The following DCDC1 variants were observed in gnomAD, a reference collection of about 807,000 sequenced individuals.
DCDC1 encodes doublecortin domain-containing protein 1.
Under a neutral mutation model 178.3 loss-of-function variants are expected in DCDC1, and 200 were observed. The observed-to-expected ratio is 1.12, with a 90% CI of 1.00 to 1.26. DCDC1 has a LOEUF of 1.26. DCDC1 is among the 50% of genes most tolerant of loss of function. DCDC1 has a pLI of 0.00. For synonymous variants in DCDC1, 690 were observed against 604.8 expected, an observed-to-expected ratio of 1.14 and a Z score of -2.07; for missense variants, 1,983 against 1,749.2, an observed-to-expected ratio of 1.13 and a Z score of -2.38.
intron 10 of DCDC1, among the ~76,000 whole-genome samples, chr11:31,132,670 T>C (rs569226012): frequency 6.6e-6 from 1 of 152,252 alleles, no homozygotes. Flanking sequence ...CTGAGAGACA[T>C]AAAGCCTTTC....
chr11:31,273,651 T>G (rs1400127808), intron 7 of DCDC1, among the ~76,000 whole-genome samples: 3 of 152,188 alleles, frequency 2.0e-5, no homozygotes, highest in African/African-American at 4.8e-5. Flanking sequence ...TGTTCCAACC[T>G]CTAACTGTTA....
chr11:30,883,514 C>T, intron 36 of DCDC1: 4 of 456,100 alleles, frequency 8.8e-6, no homozygotes, highest in South Asian at 6.5e-5. Context: ...ATAAAGTAAG[C>T]TGACCTAGGA....
intron 20 of DCDC1, among the ~76,000 whole-genome samples, chr11:30,988,679 T>A (rs1950797895): frequency 6.6e-6 from 1 of 152,010 alleles, no homozygotes; most frequent in South Asian, 2.1e-4. Context: ...GAGCCACACA[T>A]AAAATACACT....
chr11:31,310,535 G>A (rs886468424), intron 3 of DCDC1, among the ~76,000 whole-genome samples: 2 of 151,664 alleles, frequency 1.3e-5, no homozygotes, highest in African/African-American at 4.8e-5. Flanking sequence ...TAGCCAGGAT[G>A]GTCTCAATCT....
intron 6 of DCDC1, among the ~76,000 whole-genome samples, chr11:31,297,259 G>C (rs1436459687): frequency 6.6e-6 from 1 of 152,070 alleles, no homozygotes; most frequent in African/African-American, 2.4e-5. Flanking sequence ...AAATAGTGAG[G>C]GGACTGTAGG....
intron 27 of DCDC1, among the ~76,000 whole-genome samples, chr11:30,913,187 C>T (rs1461868368): frequency 3.9e-5 from 6 of 151,992 alleles, no homozygotes; most frequent in East Asian, 3.9e-4. Context: ...TTTGGGAGGC[C>T]GAGGAGGGCG....
intron 9 of DCDC1, among the ~76,000 whole-genome samples, chr11:31,216,398 A>T (rs976342761): frequency 6.6e-6 from 1 of 152,160 alleles, no homozygotes; most frequent in Non-Finnish European, 1.5e-5. Flanking sequence ...GAATCCATGA[A>T]GGTGCTGAGA....
chr11:31,235,909 C>T lies in DCDC1; in HGVS notation c.1221+5541G>A, dbSNP rs187849681. Among the ~76,000 whole-genome samples, 9 of 152,054 alleles carry T rather than the reference C, an allele frequency of 5.9e-5. No homozygotes were observed. The East Asian group carries it at 1.7e-3, about 29-fold the overall frequency. On this transcript the variant is annotated intron_variant, in intron 9 of 38. Coordinates refer to ENST00000684477, the MANE Select transcript of DCDC1 (RefSeq NM_001387274.1). ...ATGTCAATAAAGCTCTCTGGTTTTA[C>T]AGAACTGAATTACCATGTAAAAAAG...
At chr11:30,949,962 C>T (rs964725826) in intron 21 of DCDC1, among the ~76,000 whole-genome samples, 1 of 152,074 alleles carries the variant, frequency 6.6e-6, no homozygotes, top group East Asian at 1.9e-4. Context: ...ATTTAACAAC[C>T]CTGCACGTTG....
At position 30,877,134 on chromosome 11, in the gene DCDC1, G is replaced by A. The variant is rs144261073; in HGVS notation, c.*40+1410C>T. Among the ~76,000 whole-genome samples the A allele has an allele frequency of 3.8e-3, 575 of 152,218 alleles. 4 individuals carry two copies. Among genetic ancestry groups the A allele is most frequent in the Non-Finnish European group, 6.4e-3 (433 of 68,014 alleles). ...CTTTTAGTGGTGTCAGAGGCAGCAGGAATTTATTCATGCAGCCCTACTGAT... is the reference window on the plus strand; with the variant it reads ...CTTTTAGTGGTGTCAGAGGCAGCAGAAATTTATTCATGCAGCCCTACTGAT... On this transcript the variant is annotated intron_variant, in intron 38 of 38. Coordinates refer to ENST00000684477, the MANE Select transcript of DCDC1 (RefSeq NM_001387274.1).
intron 1 of DCDC1, among the ~76,000 whole-genome samples, chr11:31,341,382 T>TATAA (rs1950529696): frequency 7.4e-6 from 1 of 134,678 alleles, no homozygotes. Flanking sequence ...ATTCCAGTTT[T>TATAA]ATAGATAGAT....
chr11:30,903,288 T>C (rs1279956513), intron 32 of DCDC1, among the ~76,000 whole-genome samples, 194 bp downstream of exon 32: 2 of 152,178 alleles, frequency 1.3e-5, no homozygotes, highest in African/African-American at 4.8e-5. Context: ...AAAATTTGCA[T>C]TAATTTTTAA....
chr11:30,946,638 G>A (rs1468294662), intron 21 of DCDC1, among the ~76,000 whole-genome samples: 4 of 152,138 alleles, frequency 2.6e-5, no homozygotes, highest in Non-Finnish European at 5.9e-5. Context: ...AGAAAGCACA[G>A]GGGATCATGA....
chr11:30,888,178 GAA>G (rs1425359681), intron 36 of DCDC1, among the ~76,000 whole-genome samples: 1 of 149,928 alleles, frequency 6.7e-6, no homozygotes, highest in African/African-American at 2.4e-5. Context: ...GAAAGAAAGA[GAA>G]AGGAAGGAAG....
At chr11:31,020,722 C>A (rs291185) in intron 20 of DCDC1, among the ~76,000 whole-genome samples, 13,546 of 152,150 alleles carry the variant, frequency 0.089, 804 homozygotes, top group East Asian at 0.28. Context: ...CAGGCATGAG[C>A]CACCGCACTT....
At chr11:31,285,430 G>C (rs1211989969) in intron 7 of DCDC1, among the ~76,000 whole-genome samples, 2 of 151,976 alleles carry the variant, frequency 1.3e-5, no homozygotes, top group Admixed American at 6.6e-5. Flanking sequence ...ATCAAATTTT[G>C]CTACCCCAGG....
intron 9 of DCDC1, among the ~76,000 whole-genome samples, chr11:31,184,678 A>G (rs1014837459): frequency 6.6e-6 from 1 of 152,252 alleles, no homozygotes; most frequent in African/African-American, 2.4e-5. Context: ...GCTCATTATC[A>G]CTGGTCATTA....
chr11:31,091,353 A>G (rs1466194835), intron 17 of DCDC1, 40 bp downstream of exon 17: 2 of 698,906 alleles, frequency 2.9e-6, no homozygotes, highest in Non-Finnish European at 5.2e-6. Flanking sequence ...TCTTGAAATT[A>G]GCATTTATTA....
At chr11:31,183,284 C>T (rs1969063124) in intron 9 of DCDC1, among the ~76,000 whole-genome samples, 1 of 152,210 alleles carries the variant, frequency 6.6e-6, no homozygotes, top group African/African-American at 2.4e-5. Flanking sequence ...CCCAAATCAA[C>T]AGAATATATA....
Sources: gnomAD v4.1 joint callset for allele counts (sites outside exome capture counted in the v4.1 genomes callset) on GRCh38, gnomAD v4.1.1 for gene constraint, MANE v1.5 for transcripts, NCBI Gene and HGNC (gene_info 2026-07-23, HGNC 2026-07-21) for gene names.